TMEM108: variants seen among roughly 807,000 people sequenced by gnomAD.
The protein encoded by TMEM108 is cancer/testis antigen 124.
A neutral mutation model predicts 35.1 loss-of-function variants in TMEM108; 12 were observed. The ratio of observed to expected loss-of-function variants is 0.34; its 90% CI spans 0.22 to 0.55. The LOEUF (loss-of-function observed/expected upper bound fraction) is 0.55. TMEM108 is among the 20% of genes least tolerant of loss of function. The pLI, the probability that TMEM108 is intolerant of heterozygous loss-of-function variation, is 0.89. For missense variants in TMEM108, 680 were observed against 753.3 expected, an observed-to-expected ratio of 0.90 and a Z score of 1.14; for synonymous variants, 287 against 308.6, an observed-to-expected ratio of 0.93 and a Z score of 0.73.
At chr3:133,269,721 T>G (rs1946745562) in intron 3 of TMEM108, among the ~76,000 whole-genome samples, 2 of 152,152 alleles carry the variant, frequency 1.3e-5, no homozygotes, top group South Asian at 4.1e-4. Context: ...CTATTTAGAG[T>G]GGTTAGACAT....
At chr3:133,058,524 G>A (rs13073631) in intron 2 of TMEM108, among the ~76,000 whole-genome samples, 11,088 of 152,280 alleles carry the variant, frequency 0.073, 494 homozygotes, top group East Asian at 0.17. Context: ...GTTTGGCTGT[G>A]AGACGTGGTT....
chr3:133,213,905 T>C (rs1038990496), intron 2 of TMEM108, among the ~76,000 whole-genome samples: 5 of 152,168 alleles, frequency 3.3e-5, no homozygotes, highest in African/African-American at 7.2e-5. Context: ...ACCCTTAAAA[T>C]TCAATTTATA....
intron 2 of TMEM108, among the ~76,000 whole-genome samples, chr3:133,080,618 TA>T (rs924110493): frequency 6.6e-6 from 1 of 152,222 alleles, no homozygotes; most frequent in Non-Finnish European, 1.5e-5. Context: ...TCTCTTCACA[TA>T]TTTGGTTATT....
rs181089144 is a variant in TMEM108 at position 133,161,276 on chromosome 3, G to A, written c.-46-67990G>A. 8.5e-5 allele frequency among the ~76,000 whole-genome samples: 13 copies of A among 152,182 alleles called. No homozygotes were observed. The East Asian group carries it at 1.9e-3, about 23-fold the overall frequency. ...CTTGTCCATTGATCTTACATGGCTGGCCTCTTCATACCATCAGCTCTCACC... is the reference window on the plus strand; with the variant it reads ...CTTGTCCATTGATCTTACATGGCTGACCTCTTCATACCATCAGCTCTCACC... On this transcript the variant is annotated intron_variant, in intron 2 of 5. Coordinates refer to ENST00000321871, the MANE Select transcript of TMEM108 (RefSeq NM_023943.4).
intron 3 of TMEM108, among the ~76,000 whole-genome samples, chr3:133,331,711 A>G (rs1260747657): frequency 6.6e-6 from 1 of 152,206 alleles, no homozygotes; most frequent in East Asian, 1.9e-4. Flanking sequence ...TTTCCCAGGC[A>G]TGGCCCTCTG....
At chr3:133,055,277 A>G (rs1213165303) in intron 2 of TMEM108, among the ~76,000 whole-genome samples, 3 of 152,244 alleles carry the variant, frequency 2.0e-5, no homozygotes, top group Non-Finnish European at 4.4e-5. Flanking sequence ...AGAAGCATTA[A>G]TCTTACAGTA....
At chr3:133,270,017 G>C (rs767776076) in intron 3 of TMEM108, among the ~76,000 whole-genome samples, 1 of 152,202 alleles carries the variant, frequency 6.6e-6, no homozygotes, top group Non-Finnish European at 1.5e-5. Context: ...TCTTGTGAAA[G>C]ATAAACCTCT....
chr3:133,239,143 C>A (rs1946278607), intron 3 of TMEM108, among the ~76,000 whole-genome samples: 1 of 152,090 alleles, frequency 6.6e-6, no homozygotes, highest in African/African-American at 2.4e-5. Context: ...GTTTTGTGTC[C>A]CCCACCCCTT....
At chr3:133,219,895 C>A (rs1945962370) in intron 2 of TMEM108, among the ~76,000 whole-genome samples, 1 of 152,062 alleles carries the variant, frequency 6.6e-6, no homozygotes, top group South Asian at 2.1e-4. Flanking sequence ...GTCTGGATAT[C>A]CATCCATTGT....
intron 3 of TMEM108, among the ~76,000 whole-genome samples, chr3:133,265,865 T>C (rs2107678624): frequency 6.6e-6 from 1 of 152,326 alleles, no homozygotes; most frequent in African/African-American, 2.4e-5. Flanking sequence ...AATGGCTGTA[T>C]GTGAAACATT....
intron 2 of TMEM108, among the ~76,000 whole-genome samples, chr3:133,082,740 CT>C (rs971268078): frequency 3.6e-4 from 55 of 152,244 alleles, no homozygotes; most frequent in African/African-American, 1.3e-3. Context: ...CAGCCTCAAC[CT>C]CCTGGACTTA....
At chr3:133,141,982 A>G (rs958812668) in intron 2 of TMEM108, among the ~76,000 whole-genome samples, 1 of 152,150 alleles carries the variant, frequency 6.6e-6, no homozygotes, top group African/African-American at 2.4e-5. Flanking sequence ...TTATGGGGAG[A>G]AGAGGGGCAG....
intron 2 of TMEM108, among the ~76,000 whole-genome samples, chr3:133,135,534 G>C (rs779143524): frequency 6.6e-6 from 1 of 152,158 alleles, no homozygotes; most frequent in Non-Finnish European, 1.5e-5. Flanking sequence ...GGGCTGTGAC[G>C]AGCCTTAAAT....
At chr3:133,357,808 TA>T (rs1459902546) in intron 3 of TMEM108, among the ~76,000 whole-genome samples, 2 of 152,020 alleles carry the variant, frequency 1.3e-5, no homozygotes, top group East Asian at 3.8e-4. Flanking sequence ...GGGTGAGGGA[TA>T]AAAGACTACA....
chr3:133,394,877 G>A (rs544987012), intron 5 of TMEM108, among the ~76,000 whole-genome samples: 1 of 152,368 alleles, frequency 6.6e-6, no homozygotes, highest in African/African-American at 2.4e-5. Flanking sequence ...ATAAACTTCA[G>A]AGAATTAATT....
Position 133,379,778 on chromosome 3 carries a change from G to A in TMEM108, c.67G>A (p.Glu23Lys), listed in dbSNP as rs367779843. Residue 23 changes from glutamate to lysine, a missense_variant, in exon 4 of 6, where the codon GAA becomes AAA. This residue lies in a region of TMEM108 where 49 missense variants were observed against 70.6 expected (regional missense o/e 0.69). Coordinates refer to ENST00000321871, the MANE Select transcript of TMEM108 (RefSeq NM_023943.4). Reference protein sequence around the residue: ...LSFLLILALTEALAFAIQEPS... With the variant: ...LSFLLILALTKALAFAIQEPS... ...TTTCCTGCTGATCTTGGCACTGACCGAAGCGCTGGCATTTGCCATCCAGGA... is the reference window on the plus strand; with the variant it reads ...TTTCCTGCTGATCTTGGCACTGACCAAAGCGCTGGCATTTGCCATCCAGGA... 239 of 1,613,760 alleles carry A rather than the reference G, an allele frequency of 1.5e-4. No individual in the cohort carries two copies. Among genetic ancestry groups the A allele is most frequent in the Admixed American group, 2.0e-4 (12 of 60,000 alleles).
intron 2 of TMEM108, among the ~76,000 whole-genome samples, chr3:133,122,690 C>T (rs1212700960): frequency 2.0e-5 from 3 of 151,932 alleles, no homozygotes; most frequent in Middle Eastern, 3.4e-3. Context: ...AGTGAAACCC[C>T]GTCTCTACTA....
At chr3:133,046,111 A>G (rs1204155880) in intron 2 of TMEM108, 91 bp downstream of exon 2, 1 of 152,632 alleles carries the variant, frequency 6.6e-6, no homozygotes, top group African/African-American at 2.4e-5. Context: ...TCAGTGCAAT[A>G]TGATGCCCTG....
chr3:133,356,515 A>C (rs1407800073), intron 3 of TMEM108, among the ~76,000 whole-genome samples: 1 of 152,194 alleles, frequency 6.6e-6, no homozygotes, highest in Non-Finnish European at 1.5e-5. Flanking sequence ...ACATAATCAA[A>C]GCAATACTAA....
Sources: gnomAD v4.1 joint callset for allele counts (sites outside exome capture counted in the v4.1 genomes callset) on GRCh38, gnomAD v4.1.1 for gene constraint, gnomAD v4.1.1 regional missense constraint, MANE v1.5 for transcripts, NCBI Gene and HGNC (gene_info 2026-07-23, HGNC 2026-07-21) for gene names.